Variants in AHI1 observed in about 807,000 individuals in gnomAD.
The protein encoded by AHI1 is jouberin.
A neutral mutation model predicts 149.3 loss-of-function variants in AHI1; 123 were observed. That is an observed-to-expected ratio of 0.82 (90% CI 0.71 to 0.96). The LOEUF (loss-of-function observed/expected upper bound fraction) is 0.96. Ranked by LOEUF, AHI1 falls within the 40% of genes least tolerant of loss-of-function variation. AHI1 has a pLI of 0.00. For missense variants in AHI1, 1,439 were observed against 1,422.7 expected, an observed-to-expected ratio of 1.01 and a Z score of -0.18; for synonymous variants, 475 against 459.8, an observed-to-expected ratio of 1.03 and a Z score of -0.42.
At chr6:135,387,501 C>T (rs942355566) in intron 23 of AHI1, among the ~76,000 whole-genome samples, 1 of 152,146 alleles carries the variant, frequency 6.6e-6, no homozygotes, top group African/African-American at 2.4e-5. Context: ...AAGGGTGGTA[C>T]TCGTGTAGAA....
chr6:135,283,826 A>AAAAC lies in AHI1; in HGVS notation c.*1815_*1818dup, dbSNP rs527861953. ...TTTTCTCTTTAGTAGTTGCAATATA[A>AAAAC]AAACAACCCTTTATTTTTCATATAA... On this transcript the variant is annotated 3_prime_UTR_variant, in exon 29 of 29. Coordinates refer to ENST00000265602, the MANE Select transcript of AHI1 (RefSeq NM_001134831.2). The AAAAC allele has an allele frequency of 1.2e-3, 187 of 152,270 alleles. 1 individual carries two copies. The highest frequency in any genetic ancestry group is 4.3e-3 in the African/African-American group (180 of 41,560). 9.4% of individuals were successfully genotyped at this position (152,270 alleles called of 1,614,324 possible).
intron 9 of AHI1, 101 bp from the exon 10 acceptor site, chr6:135,456,027 G>C: frequency 1.4e-6 from 1 of 732,752 alleles, no homozygotes. Context: ...ATAATGAATA[G>C]TCATAATAAT....
At chr6:135,444,353 C>A (rs1331824834) in intron 13 of AHI1, among the ~76,000 whole-genome samples, 1 of 152,180 alleles carries the variant, frequency 6.6e-6, no homozygotes, top group East Asian at 1.9e-4. Context: ...ATTAGGCTAC[C>A]ATTTGAGACA....
chr6:135,412,614 T>C (rs1781765973), intron 20 of AHI1, among the ~76,000 whole-genome samples: 1 of 152,154 alleles, frequency 6.6e-6, no homozygotes, highest in South Asian at 2.1e-4. Flanking sequence ...TTTTTTGGGG[T>C]GCTATCACAT....
chr6:135,444,071 A>T (rs1199437441), intron 13 of AHI1, among the ~76,000 whole-genome samples: 1 of 152,158 alleles, frequency 6.6e-6, no homozygotes, highest in Non-Finnish European at 1.5e-5. Context: ...TGAAAGTCTG[A>T]TAACAACAAT....
At chr6:135,342,231 C>T (rs1023717218) in intron 24 of AHI1, among the ~76,000 whole-genome samples, 1 of 151,796 alleles carries the variant, frequency 6.6e-6, no homozygotes, top group Non-Finnish European at 1.5e-5. Context: ...AAAGATGCAA[C>T]TTAAAACTGA....
chr6:135,473,649 A>T (rs902545985), intron 5 of AHI1, among the ~76,000 whole-genome samples: 3 of 152,124 alleles, frequency 2.0e-5, no homozygotes, highest in African/African-American at 7.2e-5. Context: ...ATGAACATGA[A>T]TATCTATTTA....
At chr6:135,344,484 G>A (rs1790865047) in intron 24 of AHI1, among the ~76,000 whole-genome samples, 3 of 151,324 alleles carry the variant, frequency 2.0e-5, no homozygotes, top group African/African-American at 7.3e-5. Context: ...TACTCAATAA[G>A]AGTTAGGTAT....
intron 24 of AHI1, among the ~76,000 whole-genome samples, chr6:135,353,487 C>A (rs1334960850): frequency 1.3e-5 from 2 of 152,076 alleles, no homozygotes; most frequent in Non-Finnish European, 2.9e-5. Context: ...CATGTATCTA[C>A]ATACAAGCTG....
At chr6:135,480,352 G>C (rs1344594318) in intron 5 of AHI1, among the ~76,000 whole-genome samples, 1 of 152,086 alleles carries the variant, frequency 6.6e-6, no homozygotes, top group Non-Finnish European at 1.5e-5. Flanking sequence ...AAGCTACTGA[G>C]GGTGTGGAGG....
chr6:135,347,820 C>G (rs1200093119), intron 24 of AHI1, among the ~76,000 whole-genome samples: 1 of 152,172 alleles, frequency 6.6e-6, no homozygotes, highest in Non-Finnish European at 1.5e-5. Flanking sequence ...GATTTATTTT[C>G]AGATTTGGTA....
chr6:135,365,453 C>A (rs577561245), intron 23 of AHI1, among the ~76,000 whole-genome samples: 1 of 152,250 alleles, frequency 6.6e-6, no homozygotes, highest in Admixed American at 6.5e-5. Context: ...GGATGTGTTT[C>A]CATCTTTTTT....
chr6:135,431,223 GT>G lies in AHI1; in HGVS notation c.2357del (p.His786ProfsTer4). On this transcript the variant is annotated frameshift_variant, in exon 17 of 29. Coordinates refer to ENST00000265602, the MANE Select transcript of AHI1 (RefSeq NM_001134831.2). LOFTEE classifies it high-confidence loss of function. The stretch of plus-strand genomic sequence containing the variant: ...GATTTTATACCTTATTTATAGTCCA[GT>G]GGTGCACTGAATGTTCCAAATCATT... ...KINDLEHSVH[H>X]WTINKEIKET... 1 of 1,594,626 alleles carries G rather than the reference GT, an allele frequency of 6.3e-7. No individual in the cohort carries two copies. Among genetic ancestry groups the G allele is most frequent in the Non-Finnish European group, 8.6e-7 (1 of 1,166,766 alleles).
chr6:135,430,524 A>G (rs1055119158), intron 17 of AHI1, among the ~76,000 whole-genome samples: 1 of 151,920 alleles, frequency 6.6e-6, no homozygotes, highest in Non-Finnish European at 1.5e-5. Flanking sequence ...AACTACTATC[A>G]TAATTATATT....
intron 27 of AHI1, among the ~76,000 whole-genome samples, chr6:135,290,943 A>ACACACACACACACACAC (rs1782283740): frequency 1.7e-5 from 2 of 119,580 alleles, no homozygotes; most frequent in African/African-American, 1.1e-4. Flanking sequence ...CACACACACA[A>ACACACACACACACACAC]AAGTATAGGA....
At position 135,284,471 on chromosome 6, in the gene AHI1, AT is replaced by A. The variant is rs1781497180; in HGVS notation, c.*1173del. 1 of 152,132 alleles carries A rather than the reference AT, an allele frequency of 6.6e-6. No individual in the cohort carries two copies. The highest frequency in any genetic ancestry group is 2.4e-5 in the African/African-American group (1 of 41,430). 9.4% of individuals were successfully genotyped at this position (152,132 alleles called of 1,614,324 possible). A position where few individuals can be genotyped will look rare whatever the true frequency, so the allele number is the denominator to read the frequency against. On this transcript the variant is annotated 3_prime_UTR_variant, in exon 29 of 29. Transcript: ENST00000265602. ...GTTAAATATTTTATCAGCAGACCTT[AT>A]CACACACTTGAGAAAGGAGTCAAGA...
At chr6:135,363,505 C>G (rs909112468) in intron 23 of AHI1, among the ~76,000 whole-genome samples, 2 of 150,412 alleles carry the variant, frequency 1.3e-5, no homozygotes, top group African/African-American at 2.4e-5. Context: ...ACCTTTCCCC[C>G]CTTTCTATTC....
At chr6:135,471,719 T>C (rs114154098) in intron 5 of AHI1, among the ~76,000 whole-genome samples, 1,546 of 152,210 alleles carry the variant, frequency 0.01, 35 homozygotes, top group African/African-American at 0.033. Flanking sequence ...TATTAAGATA[T>C]AGCTTACATC....
intron 5 of AHI1, among the ~76,000 whole-genome samples, chr6:135,486,549 T>C (rs924843048): frequency 6.6e-6 from 1 of 152,150 alleles, no homozygotes; most frequent in African/African-American, 2.4e-5. Context: ...CTGAGATAGG[T>C]TATTCTTTTA....
Sources: allele counts gnomAD v4.1 joint callset (sites outside exome capture counted in the v4.1 genomes callset), GRCh38; gene constraint gnomAD v4.1.1; transcripts MANE v1.5; gene names NCBI Gene and HGNC (gene_info 2026-07-23, HGNC 2026-07-21).